The following PPP1R21 variants were observed in gnomAD, a reference collection of about 807,000 sequenced individuals.
PPP1R21 encodes the protein protein phosphatase 1 regulatory subunit 21.
A neutral mutation model predicts 112.8 loss-of-function variants in PPP1R21; 85 were observed. That is an observed-to-expected ratio of 0.75 (90% confidence interval 0.63 to 0.90). PPP1R21 has a LOEUF of 0.90. PPP1R21 is among the 40% of genes least tolerant of loss of function. The probability of loss-of-function intolerance (pLI) is 0.00; values close to 1 mark genes in which losing one functional copy is unlikely to be tolerated. For synonymous variants in PPP1R21, 381 were observed against 322.3 expected (o/e 1.18, Z -1.95); for missense variants, 1,199 against 901.5 (o/e 1.33, Z -4.23).
chr2:48,503,241 A>G (rs1459374608), intron 17 of PPP1R21, among the ~76,000 whole-genome samples: 1 of 152,186 alleles, frequency 6.6e-6, no homozygotes, highest in African/African-American at 2.4e-5. Flanking sequence ...CAAGCCACCA[A>G]TGTTATCGTT....
intron 9 of PPP1R21, among the ~76,000 whole-genome samples, chr2:48,466,421 T>G (rs1445515091): frequency 6.6e-6 from 1 of 152,000 alleles, no homozygotes; most frequent in African/African-American, 2.4e-5. Context: ...GAGCCAGGGT[T>G]TCGCCATGTT....
chr2:48,466,381 T>G (rs1668204650), intron 9 of PPP1R21, among the ~76,000 whole-genome samples: 1 of 152,138 alleles, frequency 6.6e-6, no homozygotes, highest in South Asian at 2.1e-4. Flanking sequence ...TGGCTAATTT[T>G]TTTTTTCTTT....
intron 3 of PPP1R21, among the ~76,000 whole-genome samples, chr2:48,456,148 A>G (rs1264322699): frequency 1.3e-5 from 2 of 151,024 alleles, no homozygotes; most frequent in Non-Finnish European, 1.5e-5. Context: ...AGATTTAGAG[A>G]TGAGTTTTTT....
intron 15 of PPP1R21, 99 bp downstream of exon 15, chr2:48,491,269 A>G (rs1669551087): frequency 3.1e-5 from 41 of 1,318,054 alleles, no homozygotes; most frequent in South Asian, 7.2e-5. Flanking sequence ...TTGACTTTTT[A>G]TACGATATTG....
chr2:48,495,917 A>T (rs1462937994), intron 16 of PPP1R21, 146 bp downstream of exon 16: 2 of 554,642 alleles, frequency 3.6e-6, no homozygotes, highest in Non-Finnish European at 6.4e-6. Context: ...TAAAAAGCAA[A>T]TAGACATAAT....
At chr2:48,458,342 AT>A (rs1558434770) in intron 4 of PPP1R21, 115 bp downstream of exon 4, 5 of 613,444 alleles carry the variant, frequency 8.2e-6, no homozygotes, top group African/African-American at 5.5e-5. Context: ...AATGTCTTCT[AT>A]GGTCTTCAAG....
chr2:48,472,239 CAAAAAAAAA>C (rs57711610), intron 11 of PPP1R21, among the ~76,000 whole-genome samples: 2 of 43,034 alleles, frequency 4.6e-5, no homozygotes, highest in East Asian at 3.9e-3. Flanking sequence ...GACTCCATCT[CAAAAAAAAA>C]AAAAAAAAAA....
At chr2:48,505,441 A>T (rs909176520) in intron 17 of PPP1R21, 123 bp from the exon 18 acceptor site, 8 of 723,994 alleles carry the variant, frequency 1.1e-5, no homozygotes, top group Non-Finnish European at 2.4e-6. Context: ...TCCAAGGATG[A>T]TCTTCTAGTT....
intron 2 of PPP1R21, among the ~76,000 whole-genome samples, chr2:48,452,953 C>T (rs1201466234): frequency 6.7e-6 from 1 of 148,462 alleles, no homozygotes; most frequent in Non-Finnish European, 1.5e-5. Flanking sequence ...AGTTGCTGTT[C>T]CTTTTTTTTT....
At chr2:48,479,620 A>T (rs577347701) in intron 12 of PPP1R21, 1 of 564,082 alleles carries the variant, frequency 1.8e-6, no homozygotes, top group South Asian at 1.6e-5. Flanking sequence ...ATTATATAAT[A>T]ACAAGGTAAA....
chr2:48,479,793 A>T, intron 12 of PPP1R21, 131 bp from the exon 13 acceptor site: 1 of 675,648 alleles, frequency 1.5e-6, no homozygotes, highest in Non-Finnish European at 2.7e-6. Flanking sequence ...TGTATCTGCC[A>T]CGATTTTAAG....
At chr2:48,445,135 CT>C (rs756357658) in intron 1 of PPP1R21, among the ~76,000 whole-genome samples, 9,894 of 102,544 alleles carry the variant, frequency 0.096, 156 homozygotes, top group African/African-American at 0.13. Flanking sequence ...TGAATATGAG[CT>C]TTTTTTTTTT....
chr2:48,509,021 C>G (rs1014306461), intron 19 of PPP1R21, among the ~76,000 whole-genome samples: 2 of 152,162 alleles, frequency 1.3e-5, no homozygotes, highest in African/African-American at 4.8e-5. Context: ...TCAACAGATT[C>G]TCCTTGTCAG....
At chr2:48,489,532 G>A (rs72822230) in intron 14 of PPP1R21, among the ~76,000 whole-genome samples, 19,238 of 151,090 alleles carry the variant, frequency 0.13, 1,781 homozygotes, top group East Asian at 0.44. Flanking sequence ...GAAAAGATGA[G>A]GTCTTGCCAT....
intron 1 of PPP1R21, among the ~76,000 whole-genome samples, chr2:48,450,144 T>G (rs774615071): frequency 7.9e-5 from 12 of 152,164 alleles, no homozygotes; most frequent in Non-Finnish European, 1.3e-4. Flanking sequence ...TCCAAAGGCA[T>G]CTCTCACCTC....
intron 12 of PPP1R21, among the ~76,000 whole-genome samples, chr2:48,476,692 T>C (rs1668769095): frequency 6.6e-6 from 1 of 152,242 alleles, no homozygotes; most frequent in Non-Finnish European, 1.5e-5. Context: ...ATTTTCCTGA[T>C]TGCGAGTGAT....
chr2:48,460,067 CTG>C (rs1558438458), intron 5 of PPP1R21, 26 bp from the exon 6 acceptor site: 3 of 1,613,580 alleles, frequency 1.9e-6, no homozygotes, highest in Admixed American at 1.7e-5. Flanking sequence ...CCTGAGCCAT[CTG>C]TGTTTCTTTT....
In PPP1R21 at chr2:48,510,094, A is replaced by G. The variant is rs1402039222; in HGVS notation, c.2165A>G (p.Gln722Arg). Reference protein sequence around the residue: ...ALTEEMKLASQNISRLQDELT... With the variant: ...ALTEEMKLASRNISRLQDELT... ...ACAGAAGAAATGAAACTTGCCAGTC[A>G]GAACATCAGCAGACTTCAGGTGAGT... The change falls in exon 20 of 22, where the codon CAG becomes CGG. Residue 722 changes from glutamine (Q) to arginine (R), a missense_variant. Transcript: ENST00000294952. 4 of 1,613,940 alleles carry G rather than the reference A, an allele frequency of 2.5e-6. No homozygotes were observed. The highest frequency in any genetic ancestry group is 3.4e-6 in the Non-Finnish European group (4 of 1,179,836).
At chr2:48,498,390 C>T in intron 16 of PPP1R21, 103 bp from the exon 17 acceptor site, 2 of 1,066,458 alleles carry the variant, frequency 1.9e-6, no homozygotes, top group Non-Finnish European at 2.7e-6. Context: ...TATATTTTTA[C>T]CTCTGTGGGG....
Sources: allele counts gnomAD v4.1 joint callset (sites outside exome capture counted in the v4.1 genomes callset), GRCh38; gene constraint gnomAD v4.1.1; transcripts MANE v1.5; gene names NCBI Gene and HGNC (gene_info 2026-07-23, HGNC 2026-07-21).